DCC: variants seen among roughly 807,000 people sequenced by gnomAD.
The protein encoded by DCC is DCC netrin 1 receptor, also known as netrin receptor DCC.
DCC carries 58 observed loss-of-function variants against 172.5 expected under a neutral mutation model. The ratio of observed to expected loss-of-function variants is 0.34; its 90% CI spans 0.27 to 0.42. The LOEUF is 0.42. DCC is among the 10% of genes least tolerant of loss of function. The pLI is 1.00. For synonymous variants in DCC, 709 were observed against 644.5 expected (o/e 1.10, Z -1.52); for missense variants, 1,740 against 1,791.0 (o/e 0.97, Z 0.51).
At chr18:52,355,066 T>A (rs1984299130) in intron 1 of DCC, among the ~76,000 whole-genome samples, 1 of 152,198 alleles carries the variant, frequency 6.6e-6, no homozygotes, top group Non-Finnish European at 1.5e-5. Flanking sequence ...AGTAGGTGAA[T>A]AATTATTTCC....
At chr18:52,655,884 A>T (rs1316144232) in intron 1 of DCC, among the ~76,000 whole-genome samples, 1 of 151,480 alleles carries the variant, frequency 6.6e-6, no homozygotes, top group African/African-American at 2.4e-5. Flanking sequence ...TATTCCTGAG[A>T]TCCCTTGGAT....
At chr18:52,620,312 G>A (rs1162281290) in intron 1 of DCC, among the ~76,000 whole-genome samples, 1 of 152,208 alleles carries the variant, frequency 6.6e-6, no homozygotes, top group African/African-American at 2.4e-5. Flanking sequence ...CAGGAAGGGA[G>A]CTACACTAAC....
At chr18:52,727,120 A>AT (rs1454354548) in intron 1 of DCC, among the ~76,000 whole-genome samples, 7 of 152,214 alleles carry the variant, frequency 4.6e-5, no homozygotes, top group African/African-American at 1.7e-4. Flanking sequence ...AATAATAGAT[A>AT]TATCACAGTC....
intron 1 of DCC, among the ~76,000 whole-genome samples, chr18:52,587,285 G>T (rs1293418889): frequency 7.2e-5 from 11 of 152,208 alleles, no homozygotes; most frequent in African/African-American, 2.7e-4. Context: ...CTGAGCCCAT[G>T]TGTAACCTCC....
At chr18:52,373,254 T>C (rs2144303641) in intron 1 of DCC, among the ~76,000 whole-genome samples, 3 of 152,252 alleles carry the variant, frequency 2.0e-5, no homozygotes, top group Middle Eastern at 6.8e-3. Context: ...CCCTCAAATG[T>C]GACCCTTAAT....
chr18:52,364,268 G>A (rs1274359476), intron 1 of DCC, among the ~76,000 whole-genome samples: 2 of 152,108 alleles, frequency 1.3e-5, no homozygotes, highest in African/African-American at 4.8e-5. Flanking sequence ...TTGCTATAAA[G>A]ATTTTTAAAA....
chr18:53,506,859 CAAAAAAA>C (rs34848744), intron 27 of DCC, among the ~76,000 whole-genome samples: 7,215 of 133,388 alleles, frequency 0.054, 257 homozygotes, highest in African/African-American at 0.11. Flanking sequence ...GACTCCATCT[CAAAAAAA>C]AAAAAAAAAG....
chr18:53,294,317 C>A (rs190779913), intron 12 of DCC, among the ~76,000 whole-genome samples: 1 of 152,246 alleles, frequency 6.6e-6, no homozygotes, highest in Admixed American at 6.5e-5. Flanking sequence ...GAGCCAGTGG[C>A]AGGAGGGCTG....
At chr18:53,497,006 A>G (rs2046032468) in intron 26 of DCC, among the ~76,000 whole-genome samples, 1 of 152,260 alleles carries the variant, frequency 6.6e-6, no homozygotes, top group South Asian at 2.1e-4. Flanking sequence ...TTAAAATGTA[A>G]TGTGCATTAA....
rs73450715 is a variant in DCC at position 52,506,443 on chromosome 18, C to T, written c.91+165565C>T. On this transcript the variant is annotated intron_variant, in intron 1 of 28. Transcript: ENST00000442544. ...AATACAGTAATAAATAAAAGGTACACAAACACCGTTTAAAATGCATATCCA... is the reference window on the plus strand; with the variant it reads ...AATACAGTAATAAATAAAAGGTACATAAACACCGTTTAAAATGCATATCCA... 6.9e-3 allele frequency among the ~76,000 whole-genome samples: 1,043 copies of T among 152,122 alleles called. 10 individuals are homozygous for T. Among genetic ancestry groups the T allele is most frequent in the African/African-American group, 0.022 (926 of 41,520 alleles).
intron 5 of DCC, among the ~76,000 whole-genome samples, chr18:53,032,726 G>T (rs2042042557): frequency 6.6e-6 from 1 of 152,140 alleles, no homozygotes; most frequent in African/African-American, 2.4e-5. Flanking sequence ...GCTACTGTGA[G>T]AGCTTTAGGG....
At chr18:52,602,973 T>C (rs2034049673) in intron 1 of DCC, among the ~76,000 whole-genome samples, 1 of 152,018 alleles carries the variant, frequency 6.6e-6, no homozygotes, top group Admixed American at 6.6e-5. Context: ...TACCTATTGA[T>C]CAGTACAAAA....
In DCC at chr18:52,708,424, A is replaced by T. The variant is rs952932621; in HGVS notation, c.92-43630A>T. On this transcript the variant is annotated intron_variant, in intron 1 of 28. Coordinates refer to ENST00000442544, the MANE Select transcript of DCC (RefSeq NM_005215.4). ...ACCACTGCACTCCAGCCTGGGCAAT[A>T]GAGCGAGACTCTGTCTCAAAAAAAA... 1.0e-3 allele frequency among the ~76,000 whole-genome samples: 143 copies of T among 138,226 alleles called. No individual in the cohort carries two copies. The Middle Eastern group carries it at 0.025, about 24-fold the overall frequency. 90.7% of individuals were successfully genotyped at this position (138,226 alleles called of 152,430 possible).
intron 1 of DCC, among the ~76,000 whole-genome samples, chr18:52,567,517 T>G (rs745525586): frequency 6.6e-6 from 1 of 152,134 alleles, no homozygotes; most frequent in Non-Finnish European, 1.5e-5. Context: ...CACAGGTTGC[T>G]CTTATTTAAA....
At chr18:52,519,219 G>C (rs547667690) in intron 1 of DCC, among the ~76,000 whole-genome samples, 18 of 152,264 alleles carry the variant, frequency 1.2e-4, no homozygotes, top group African/African-American at 4.3e-4. Context: ...GTGCCTTTCT[G>C]AAGCTCAGTT....
chr18:53,170,810 C>T (rs1248950504), intron 8 of DCC, among the ~76,000 whole-genome samples: 1 of 152,060 alleles, frequency 6.6e-6, no homozygotes, highest in African/African-American at 2.4e-5. Flanking sequence ...CAGAAACAGC[C>T]CCCCTGACTT....
chr18:53,513,591 T>C (rs1031597981), intron 27 of DCC, among the ~76,000 whole-genome samples: 2 of 152,002 alleles, frequency 1.3e-5, no homozygotes, highest in African/African-American at 2.4e-5. Context: ...GAGACACACA[T>C]AGGCTCAAAA....
chr18:53,059,388 G>C (rs1385720874), intron 5 of DCC, among the ~76,000 whole-genome samples: 1 of 152,068 alleles, frequency 6.6e-6, no homozygotes, highest in Non-Finnish European at 1.5e-5. Flanking sequence ...GTTTCATTGA[G>C]CCATGGGGTA....
chr18:53,312,458 T>A (rs1382073693), intron 13 of DCC, among the ~76,000 whole-genome samples: 1 of 151,694 alleles, frequency 6.6e-6, no homozygotes, highest in Non-Finnish European at 1.5e-5. Context: ...ATTATTTAAA[T>A]TTTTAAAAAT....
Sources: gnomAD v4.1 joint callset for allele counts (sites outside exome capture counted in the v4.1 genomes callset) on GRCh38, gnomAD v4.1.1 for gene constraint, MANE v1.5 for transcripts, NCBI Gene and HGNC (gene_info 2026-07-23, HGNC 2026-07-21) for gene names.